Variants in ANKS1B observed in about 807,000 individuals in gnomAD.
ANKS1B encodes ankyrin repeat and sterile alpha motif domain containing 1B.
A neutral mutation model predicts 148.3 loss-of-function variants in ANKS1B; 36 were observed. The observed-to-expected ratio is 0.24, with a 90% CI of 0.19 to 0.32. The LOEUF is 0.32. ANKS1B is among the 10% of genes least tolerant of loss of function. The pLI is 1.00. For synonymous variants in ANKS1B, 542 were observed against 560.8 expected (o/e 0.97, Z 0.47); for missense variants, 1,157 against 1,542.6 (o/e 0.75, Z 4.19).
intron 9 of ANKS1B, among the ~76,000 whole-genome samples, chr12:99,608,925 C>T (rs986760765): frequency 9.9e-5 from 15 of 152,008 alleles, no homozygotes; most frequent in African/African-American, 3.1e-4. Context: ...TAGACGGTGG[C>T]ACAAGGAGGA....
intron 1 of ANKS1B, among the ~76,000 whole-genome samples, chr12:99,894,416 G>A (rs2153750730): frequency 6.6e-6 from 1 of 151,632 alleles, no homozygotes; most frequent in East Asian, 1.9e-4. Flanking sequence ...GGCTGAGACA[G>A]GAGGACTGAT....
chr12:99,027,158 C>G (rs966613128), intron 17 of ANKS1B, among the ~76,000 whole-genome samples: 7 of 152,214 alleles, frequency 4.6e-5, no homozygotes, highest in Non-Finnish European at 8.8e-5. Flanking sequence ...ATAAAATAAT[C>G]AAAACAATCT....
In ANKS1B at chr12:98,839,641, G is replaced by GAT. The variant is rs56676087; in HGVS notation, c.2779-7507_2779-7506dup. Among the ~76,000 whole-genome samples, 27 of 152,240 alleles carry GAT rather than the reference G, an allele frequency of 1.8e-4. No homozygotes were observed. The East Asian group carries it at 4.8e-3, about 27-fold the overall frequency. On this transcript the variant is annotated intron_variant, in intron 17 of 26. Coordinates refer to ENST00000683438, the MANE Select transcript of ANKS1B (RefSeq NM_001352186.2). ...TTTGATATTTAAATGTGCCATTATG[G>GAT]ATATCTCTGGGTAGATTTTAGATCC...
At chr12:99,781,239 A>AAATGAAATTT (rs1298335522) in intron 5 of ANKS1B, among the ~76,000 whole-genome samples, 2 of 152,190 alleles carry the variant, frequency 1.3e-5, no homozygotes, top group Non-Finnish European at 2.9e-5. Context: ...AGTTAAATAT[A>AAATGAAATTT]AATGAAATTT....
intron 17 of ANKS1B, among the ~76,000 whole-genome samples, chr12:98,897,868 A>G (rs534213151): frequency 1.5e-3 from 229 of 152,336 alleles, no homozygotes; most frequent in African/African-American, 5.3e-3. Context: ...ACACCATGGG[A>G]TACTATGCAG....
In ANKS1B at chr12:98,745,484, GGGGAGTC is replaced by G; in HGVS notation, c.*248_*254del. The G allele has an allele frequency of 8.6e-7, 1 of 1,162,986 alleles. No individual in the cohort carries two copies. The highest frequency in any genetic ancestry group is 1.6e-5 in the African/African-American group (1 of 61,714). 72.0% of individuals were successfully genotyped at this position (1,162,986 alleles called of 1,614,324 possible). The stretch of plus-strand genomic sequence containing the variant: ...GAAATACCTTGGGAGGTGGTGGGGA[GGGGAGTC>G]GGGAGCATCAGGGAAAACCCATCTC... On this transcript the variant is annotated 3_prime_UTR_variant, in exon 27 of 27. Transcript: ENST00000683438.
At chr12:99,705,400 G>C (rs1034321820) in intron 8 of ANKS1B, among the ~76,000 whole-genome samples, 1 of 152,080 alleles carries the variant, frequency 6.6e-6, no homozygotes, top group African/African-American at 2.4e-5. Flanking sequence ...GAGCTTAAAA[G>C]AGGGATTTCC....
At chr12:99,675,172 G>A (rs2098556445) in intron 8 of ANKS1B, among the ~76,000 whole-genome samples, 1 of 151,958 alleles carries the variant, frequency 6.6e-6, no homozygotes, top group Non-Finnish European at 1.5e-5. Flanking sequence ...GGTAGTATGT[G>A]TAAAGAATCT....
chr12:99,621,412 T>A (rs1273833579), intron 9 of ANKS1B, among the ~76,000 whole-genome samples: 1 of 149,634 alleles, frequency 6.7e-6, no homozygotes, highest in African/African-American at 2.5e-5. Flanking sequence ...TAGTATTGAA[T>A]ATATATTGTC....
chr12:99,620,915 C>A (rs1221519141), intron 9 of ANKS1B, among the ~76,000 whole-genome samples: 3 of 152,040 alleles, frequency 2.0e-5, no homozygotes, highest in Non-Finnish European at 4.4e-5. Flanking sequence ...AGAACACCTG[C>A]AAGATACTAT....
chr12:99,399,897 AT>A lies in ANKS1B; in HGVS notation c.1576-87del, dbSNP rs1555416981. The A allele has an allele frequency of 2.9e-6, 4 of 1,384,964 alleles. No individual in the cohort carries two copies. The African/African-American group carries it at 4.3e-5, about 15-fold the overall frequency. The allele number at this position is 1,384,964 out of a possible 1,614,324, so 85.8% of individuals were successfully genotyped here. On this transcript the variant is annotated intron_variant, in intron 11 of 26. Transcript: ENST00000683438. ...CCCCATCAATTTAATCTAAGTGATAATTTTTTTCAGTTAAAAACTATCTGGG... is the reference window on the plus strand; with the variant it reads ...CCCCATCAATTTAATCTAAGTGATAATTTTTTCAGTTAAAAACTATCTGGG...
rs1234906308 is a variant in ANKS1B, at chr12:99,364,483, C to A, written c.1756+35148G>T. ...TGTTACTGCCATAGCTCTTTGGAAA[C>A]TGTGTGTATTTAAGCAACACAGACC... is the stretch of plus-strand genomic sequence containing the variant. On this transcript the variant is annotated intron_variant, in intron 12 of 26. Transcript: ENST00000683438. 5.3e-5 allele frequency among the ~76,000 whole-genome samples: 8 copies of A among 152,182 alleles called. No homozygotes were observed. The East Asian group carries it at 1.3e-3, about 26-fold the overall frequency.
intron 17 of ANKS1B, among the ~76,000 whole-genome samples, chr12:98,984,415 T>C (rs566563131): frequency 6.6e-6 from 1 of 152,188 alleles, no homozygotes; most frequent in Non-Finnish European, 1.5e-5. Context: ...CTGGTTTCTG[T>C]TTAAAAGTTC....
intron 17 of ANKS1B, among the ~76,000 whole-genome samples, chr12:99,014,966 T>G (rs1180043820): frequency 6.6e-6 from 1 of 152,160 alleles, no homozygotes; most frequent in African/African-American, 2.4e-5. Context: ...TGGCCATTCC[T>G]CAAAGACCTA....
intron 17 of ANKS1B, among the ~76,000 whole-genome samples, chr12:98,927,351 A>C (rs773630446): frequency 1.3e-5 from 2 of 152,138 alleles, no homozygotes; most frequent in Non-Finnish European, 2.9e-5. Context: ...AGTAAGGGGA[A>C]ACCTTCCGGG....
intron 25 of ANKS1B, among the ~76,000 whole-genome samples, chr12:98,764,593 C>T (rs11109593): frequency 0.087 from 13,204 of 152,238 alleles, 805 homozygotes; most frequent in Non-Finnish European, 0.14. Context: ...TAAATTTGAA[C>T]CCTTGTTGTT....
Position 99,246,523 on chromosome 12 carries a change from C to T in ANKS1B, c.2098G>A (p.Asp700Asn), listed in dbSNP as rs746679510. ...RSTRSGSRNG[D>N]QWVMNAGGFV... ...CCCCCTGCGTTCATAACCCACTGGT[C>T]CCCATTCCGAGATCCACTCCTGGTT... The change falls in exon 13 of 27, where the codon GAC (aspartate) becomes AAC (asparagine). Residue 700 changes from aspartate (D) to asparagine (N), a missense_variant. Physicochemically the swap from Asp to Asn is conservative, Grantham distance 23. This residue lies in a region of ANKS1B where 661 missense variants were observed against 642.1 expected (regional missense o/e 1.03). Coordinates refer to ENST00000683438, the MANE Select transcript of ANKS1B (RefSeq NM_001352186.2). The T allele has an allele frequency of 1.9e-5, 30 of 1,613,404 alleles. No individual in the cohort carries two copies. Among genetic ancestry groups the T allele is most frequent in the Non-Finnish European group, 2.5e-5 (29 of 1,179,716 alleles).
intron 1 of ANKS1B, among the ~76,000 whole-genome samples, chr12:99,878,138 T>C (rs2092246275): frequency 6.6e-6 from 1 of 152,084 alleles, no homozygotes; most frequent in Non-Finnish European, 1.5e-5. Flanking sequence ...GTTGCTGAAA[T>C]TGATTCAGCA....
At chr12:99,178,816 A>G (rs1384006691) in intron 14 of ANKS1B, among the ~76,000 whole-genome samples, 2 of 152,222 alleles carry the variant, frequency 1.3e-5, no homozygotes, top group Non-Finnish European at 2.9e-5. Flanking sequence ...CGTGCTTTAA[A>G]TAAAATAGTA....
Sources: allele counts gnomAD v4.1 joint callset (sites outside exome capture counted in the v4.1 genomes callset), GRCh38; gene constraint gnomAD v4.1.1; regional missense constraint gnomAD v4.1.1; transcripts MANE v1.5; gene names NCBI Gene and HGNC (gene_info 2026-07-23, HGNC 2026-07-21).